The following IRS2 variants were observed in gnomAD, a reference collection of about 807,000 sequenced individuals.
The protein encoded by IRS2 is insulin receptor substrate 2.
IRS2 carries 28 observed loss-of-function variants against 70.9 expected under a neutral mutation model. The observed-to-expected ratio is 0.39, with a 90% CI of 0.29 to 0.54. The LOEUF (loss-of-function observed/expected upper bound fraction) is 0.54, where lower values mean the gene tolerates loss of function less well. IRS2 is among the 20% of genes least tolerant of loss of function. The probability of loss-of-function intolerance (pLI) is 0.59; values close to 1 mark genes in which losing one functional copy is unlikely to be tolerated. For synonymous variants in IRS2, 1,217 were observed against 981.9 expected (o/e 1.24, Z -4.48); for missense variants, 2,081 against 2,024.1 (o/e 1.03, Z -0.54).
rs769193882 is a variant in IRS2, at chr13:109,784,443, A to ACCGCCG, written c.1605_1610dup (p.Gly536_Gly537dup). The ACCGCCG allele has an allele frequency of 3.8e-6, 6 of 1,583,654 alleles. No individual in the cohort carries two copies. The highest frequency in any genetic ancestry group is 5.2e-6 in the Non-Finnish European group (6 of 1,162,062). On this transcript the variant is annotated inframe_insertion, in exon 1 of 2. Coordinates refer to ENST00000375856, the MANE Select transcript of IRS2 (RefSeq NM_003749.3). The surrounding 1 kb of genome is among the most constrained non-coding windows in gnomAD (Gnocchi z 5.2). ...CCATGGTCATGTACCCGTAGAACTC[A>ACCGCCG]CCGCCGCCGCCGCCGTCTCGGGCCG...
chr13:109,776,614 A>G (rs1877585100), intron 1 of IRS2, among the ~76,000 whole-genome samples: 1 of 152,246 alleles, frequency 6.6e-6, no homozygotes, highest in African/African-American at 2.4e-5. Flanking sequence ...TTGGTATACA[A>G]CATATACTCC....
intron 1 of IRS2, among the ~76,000 whole-genome samples, chr13:109,771,970 G>C (rs1427738930): frequency 3.9e-5 from 6 of 152,238 alleles, no homozygotes; most frequent in Non-Finnish European, 7.3e-5. Context: ...TTTAAATTTA[G>C]TAAAGAAATT....
rs1215254893 is a variant in IRS2 at position 109,783,746 on chromosome 13, ACAC to A, written c.2305_2307del (p.Val769del). The A allele has an allele frequency of 9.4e-6, 15 of 1,588,728 alleles. No homozygotes were observed. The African/African-American group carries it at 1.7e-4, about 19-fold the overall frequency. On this transcript the variant is annotated inframe_deletion, in exon 1 of 2. Coordinates refer to ENST00000375856, the MANE Select transcript of IRS2 (RefSeq NM_003749.3). The stretch of plus-strand genomic sequence containing the variant: ...CCCGTGGTGACCGCGTCGCTGGGGG[ACAC>A]GTTGAGGTAGTCCCCGTTGGGCAGC...
rs1262361262 is a variant in IRS2 at position 109,785,025 on chromosome 13, G to A, written c.1029C>T (p.Arg343=). 2.7e-6 allele frequency: 4 copies of A among 1,492,584 alleles called. No homozygotes were observed. In the African/African-American group the frequency reaches 4.2e-5, roughly 16 times the overall value. The allele number at this position is 1,492,584 out of a possible 1,614,324, so 92.5% of individuals were successfully genotyped here. A position where few individuals can be genotyped will look rare whatever the true frequency, so the allele number is the denominator to read the frequency against. ...PSQTGLVRRS[R]TDSLAATPPA... is the part of the protein sequence containing the mutation. Reference sequence around the variant, plus strand: ...GCGGGGTGGCGGCCAGGCTGTCGGTGCGCGAGCGGCGCACCAGGCCCGTCT... The same window carrying A: ...GCGGGGTGGCGGCCAGGCTGTCGGTACGCGAGCGGCGCACCAGGCCCGTCT... The change falls in exon 1 of 2, where the codon CGC becomes CGT. Residue 343 remains arginine (R), a synonymous_variant. Coordinates refer to ENST00000375856, the MANE Select transcript of IRS2 (RefSeq NM_003749.3). The surrounding 1 kb of genome is among the most constrained non-coding windows in gnomAD (Gnocchi z 9.3).
intron 1 of IRS2, among the ~76,000 whole-genome samples, chr13:109,780,302 A>C (rs1428925225): frequency 6.6e-6 from 1 of 152,180 alleles, no homozygotes; most frequent in African/African-American, 2.4e-5. Flanking sequence ...TGTGTTTATA[A>C]TGGTCTGTGT....
chr13:109,783,510 G>C lies in IRS2; in HGVS notation c.2544C>G (p.Ser848Arg). ...RLEPQATPGP[S>R]QAASAFGAGP... ...CGGCCCCGAAGGCGCTGGCCGCCTG[G>C]CTGGGCCCTGGCGTGGCCTGAGGCT... Residue 848 changes from serine (S) to arginine (R), a missense_variant, in exon 1 of 2, where the codon AGC becomes AGG. Ser to Arg is a moderately radical substitution (Grantham distance 110). Around this residue, in one of 4 missense-constraint regions of IRS2, gnomAD observed 1,615 missense variants for 1,459.5 expected, o/e 1.11. Transcript: ENST00000375856. 6.5e-7 allele frequency: 1 copy of C among 1,547,486 alleles called. No individual in the cohort carries two copies. Among genetic ancestry groups the C allele is most frequent in the Non-Finnish European group, 8.7e-7 (1 of 1,146,146 alleles).
chr13:109,769,572 G>T (rs1201926354), intron 1 of IRS2, among the ~76,000 whole-genome samples: 2 of 152,100 alleles, frequency 1.3e-5, no homozygotes, highest in Admixed American at 6.6e-5. Flanking sequence ...AGGTTGCTTG[G>T]CTCAAATTTC....
At chr13:109,771,147 A>G (rs565967588) in intron 1 of IRS2, among the ~76,000 whole-genome samples, 16 of 152,310 alleles carry the variant, frequency 1.1e-4, no homozygotes, top group African/African-American at 3.9e-4. Flanking sequence ...TTACATGTAG[A>G]AGCTACAAAA....
Position 109,753,403 on chromosome 13 carries a change from G to A in IRS2, c.*2901C>T, listed in dbSNP as rs1877036623. ...AGCAGAGGTGCATAAGCAGATTCTG[G>A]ACTGCAGAGCTGGGGAGCGGTCCTG... On this transcript the variant is annotated 3_prime_UTR_variant, in exon 2 of 2. Transcript: ENST00000375856. The A allele has an allele frequency of 6.6e-6, 1 of 152,308 alleles. No homozygotes were observed. The highest frequency in any genetic ancestry group is 2.4e-5 in the African/African-American group (1 of 41,450). The allele number at this position is 152,308 out of a possible 1,614,324, so 9.4% of individuals were successfully genotyped here. A position where few individuals can be genotyped will look rare whatever the true frequency, so the allele number is the denominator to read the frequency against.
chr13:109,784,214 G>A lies in IRS2; in HGVS notation c.1840C>T (p.Pro614Ser), dbSNP rs1336271318. The change falls in exon 1 of 2, where the codon CCG becomes TCG. Residue 614 changes from proline (P) to serine (S), a missense_variant. Physicochemically the swap from Pro to Ser is moderately conservative, Grantham distance 74 (BLOSUM62 -1). Around this residue, in one of 4 missense-constraint regions of IRS2, gnomAD observed 1,615 missense variants for 1,459.5 expected, o/e 1.11. Transcript: ENST00000375856. This position sits in a 1 kb window ranked among gnomAD's most constrained non-coding sequence, Gnocchi z 5.2. ...TFSGSAGRLC[P>S]SCPASSPKVA... ...TTGGGAGAGGACGCGGGGCAGGACGGGCAGAGGCGGCCCGCGCTGCCCGAG... is the reference window on the plus strand; with the variant it reads ...TTGGGAGAGGACGCGGGGCAGGACGAGCAGAGGCGGCCCGCGCTGCCCGAG... 1 of 1,571,404 alleles carries A rather than the reference G, an allele frequency of 6.4e-7. No homozygotes were observed. The highest frequency in any genetic ancestry group is 8.6e-7 in the Non-Finnish European group (1 of 1,158,620).
intron 1 of IRS2, among the ~76,000 whole-genome samples, chr13:109,773,136 CTATT>C (rs149795449): frequency 0.012 from 1,893 of 152,074 alleles, 38 homozygotes; most frequent in African/African-American, 0.044. Flanking sequence ...TGTATGAAAA[CTATT>C]TATCTTCATA....
At position 109,783,589 on chromosome 13, in the gene IRS2, T is replaced by C; in HGVS notation, c.2465A>G (p.Gln822Arg). The change falls in exon 1 of 2, where the codon CAG becomes CGG. Residue 822 changes from glutamine to arginine, a missense_variant. Coordinates refer to ENST00000375856, the MANE Select transcript of IRS2 (RefSeq NM_003749.3). The part of the protein sequence containing the change: ...APYTCGGDSD[Q>R]YVLMSSPVGR... ...CACGGGGGAGCTCATGAGCACGTAC[T>C]GGTCGCTGTCCCCGCCACAGGTGTA... 1 of 1,546,714 alleles carries C rather than the reference T, an allele frequency of 6.5e-7. No individual in the cohort carries two copies. Among genetic ancestry groups the C allele is most frequent in the Non-Finnish European group, 8.7e-7 (1 of 1,144,270 alleles).
intron 1 of IRS2, among the ~76,000 whole-genome samples, chr13:109,774,308 G>A (rs1417491125): frequency 6.6e-6 from 1 of 152,094 alleles, no homozygotes; most frequent in Non-Finnish European, 1.5e-5. Flanking sequence ...CAACTTGATG[G>A]TCAACTTTAA....
chr13:109,756,936 G>T (rs1171003837), intron 1 of IRS2, among the ~76,000 whole-genome samples: 1 of 152,158 alleles, frequency 6.6e-6, no homozygotes, highest in Non-Finnish European at 1.5e-5. Context: ...CTCATGTGTT[G>T]TTGCATAACC....
Position 109,785,472 on chromosome 13 carries a change from G to A in IRS2, c.582C>T (p.Tyr194=). The A allele has an allele frequency of 6.2e-7, 1 of 1,611,990 alleles. No individual in the cohort carries two copies. Among genetic ancestry groups the A allele is most frequent in the East Asian group, 2.2e-5 (1 of 44,804 alleles). ...YGLVAPATAA[Y]REVWQVNLKP... is the part of the protein sequence containing the mutation. ...TCAGGTTCACCTGCCACACCTCACG[G>A]TAGGCGGCCGTGGCGGGAGCCACCA... is the stretch of plus-strand genomic sequence containing the variant. Residue 194 remains tyrosine (Y), a synonymous_variant, in exon 1 of 2, where the codon TAC becomes TAT. Coordinates refer to ENST00000375856, the MANE Select transcript of IRS2 (RefSeq NM_003749.3). This position sits in a 1 kb window ranked among gnomAD's most constrained non-coding sequence, Gnocchi z 9.3.
At chr13:109,768,497 C>A (rs1877383578) in intron 1 of IRS2, among the ~76,000 whole-genome samples, 1 of 152,230 alleles carries the variant, frequency 6.6e-6, no homozygotes, top group African/African-American at 2.4e-5. Flanking sequence ...CTCTATGAAA[C>A]AAATGGAATA....
intron 1 of IRS2, among the ~76,000 whole-genome samples, chr13:109,779,804 G>A (rs142433480): frequency 0.013 from 2,015 of 152,262 alleles, 56 homozygotes; most frequent in African/African-American, 0.046. Context: ...TCTTTGTTCA[G>A]CAGCTACAGA....
At chr13:109,781,117 T>C (rs921823356) in intron 1 of IRS2, among the ~76,000 whole-genome samples, 1 of 152,222 alleles carries the variant, frequency 6.6e-6, no homozygotes, top group Non-Finnish European at 1.5e-5. Context: ...TGTCCGTCCC[T>C]GCCTCCTAGC....
At chr13:109,768,432 C>G (rs1412340258) in intron 1 of IRS2, among the ~76,000 whole-genome samples, 1 of 152,260 alleles carries the variant, frequency 6.6e-6, no homozygotes, top group Non-Finnish European at 1.5e-5. Flanking sequence ...CTTCCCCAAG[C>G]TCTTACGCCC....
Sources: allele counts gnomAD v4.1 joint callset (sites outside exome capture counted in the v4.1 genomes callset), GRCh38; gene constraint gnomAD v4.1.1; regional missense constraint gnomAD v4.1.1; non-coding constraint Gnocchi (gnomAD v3.1); transcripts MANE v1.5; gene names NCBI Gene and HGNC (gene_info 2026-07-23, HGNC 2026-07-21).